The following MAP7 variants were observed in gnomAD, a reference collection of about 807,000 sequenced individuals.
MAP7 encodes the protein microtubule associated protein 7, also known as ensconsin.
MAP7 carries 52 observed loss-of-function variants against 94.8 expected under a neutral mutation model. The ratio of observed to expected loss-of-function variants is 0.55; its 90% CI spans 0.44 to 0.69. The LOEUF is 0.69. Ranked by LOEUF, MAP7 falls within the 30% of genes least tolerant of loss-of-function variation. MAP7 has a pLI of 0.00. For synonymous variants in MAP7, 350 were observed against 357.0 expected, an observed-to-expected ratio of 0.98 and a Z score of 0.22; for missense variants, 940 against 964.6, an observed-to-expected ratio of 0.97 and a Z score of 0.34.
At chr6:136,346,738 T>G (rs1056881089) in intron 16 of MAP7, among the ~76,000 whole-genome samples, 1 of 151,966 alleles carries the variant, frequency 6.6e-6, no homozygotes, top group African/African-American at 2.4e-5. Context: ...AGAGTACCAC[T>G]TATGAGGACC....
chr6:136,453,683 A>G (rs2128889019), intron 1 of MAP7, among the ~76,000 whole-genome samples: 1 of 152,346 alleles, frequency 6.6e-6, no homozygotes, highest in South Asian at 2.1e-4. Context: ...AGGATTCCCA[A>G]CAAATTTTGA....
At chr6:136,346,315 C>T (rs765259152) in intron 16 of MAP7, among the ~76,000 whole-genome samples, 46 of 152,240 alleles carry the variant, frequency 3.0e-4, no homozygotes, top group Middle Eastern at 3.4e-3. Flanking sequence ...GTAATCCTAG[C>T]GCTTTGGGAG....
intron 2 of MAP7, chr6:136,420,420 T>C: frequency 1.9e-6 from 1 of 515,818 alleles, no homozygotes; most frequent in South Asian, 2.5e-5. Flanking sequence ...GGTCCACTTC[T>C]GCCAACAAAT....
chr6:136,510,008 C>G (rs1285026857), intron 1 of MAP7, among the ~76,000 whole-genome samples: 1 of 152,144 alleles, frequency 6.6e-6, no homozygotes, highest in African/African-American at 2.4e-5. Context: ...TCGAGACCAG[C>G]CTGAGTAATA....
At chr6:136,435,017 G>T (rs1196064361) in intron 1 of MAP7, among the ~76,000 whole-genome samples, 1 of 152,170 alleles carries the variant, frequency 6.6e-6, no homozygotes, top group Non-Finnish European at 1.5e-5. Flanking sequence ...CTAAGCTATG[G>T]GCCCTTTGGG....
At chr6:136,506,462 G>A (rs866223225) in intron 1 of MAP7, among the ~76,000 whole-genome samples, 8 of 152,080 alleles carry the variant, frequency 5.3e-5, no homozygotes, top group African/African-American at 1.9e-4. Context: ...ACAATCCACA[G>A]TTTTAGATAA....
chr6:136,537,466 T>G (rs948092543), intron 1 of MAP7, among the ~76,000 whole-genome samples: 2 of 152,252 alleles, frequency 1.3e-5, no homozygotes, highest in Non-Finnish European at 2.9e-5. Context: ...TTTCTCTATC[T>G]GGGCCTTATA....
chr6:136,400,433 A>G (rs1057488614), intron 3 of MAP7, among the ~76,000 whole-genome samples: 4 of 151,422 alleles, frequency 2.6e-5, no homozygotes, highest in African/African-American at 9.7e-5. Context: ...AAAAAAAAAG[A>G]GTTGGGGGAA....
chr6:136,439,613 C>T (rs1797292263), intron 1 of MAP7, among the ~76,000 whole-genome samples: 1 of 152,164 alleles, frequency 6.6e-6, no homozygotes, highest in South Asian at 2.1e-4. Context: ...GCTCTACCAC[C>T]CTTCCCTCTT....
chr6:136,528,036 G>A (rs1828145747), intron 1 of MAP7, among the ~76,000 whole-genome samples: 1 of 152,320 alleles, frequency 6.6e-6, no homozygotes, highest in South Asian at 2.1e-4. Context: ...GCCTGAGAAA[G>A]CAAGTGAGTC....
intron 1 of MAP7, among the ~76,000 whole-genome samples, chr6:136,496,696 T>C: frequency 6.6e-6 from 1 of 150,394 alleles, no homozygotes. Flanking sequence ...TTCCAGCACT[T>C]TGGGAGGCTG....
chr6:136,482,885 A>G (rs1243992770), intron 1 of MAP7, among the ~76,000 whole-genome samples: 1 of 151,842 alleles, frequency 6.6e-6, no homozygotes, highest in Non-Finnish European at 1.5e-5. Context: ...TTGGTCAACT[A>G]AAAAAAATAT....
chr6:136,394,931 C>CACATATATATATATATAT (rs1554243129), intron 3 of MAP7, among the ~76,000 whole-genome samples: 3 of 27,494 alleles, frequency 1.1e-4, no homozygotes, highest in Admixed American at 4.6e-4. Flanking sequence ...AATATTCCAT[C>CACATATATATATATATAT]ATATATATAT....
At chr6:136,505,615 C>T (rs1031577695) in intron 1 of MAP7, among the ~76,000 whole-genome samples, 1 of 151,610 alleles carries the variant, frequency 6.6e-6, no homozygotes, top group Non-Finnish European at 1.5e-5. Context: ...AGGGACACAT[C>T]GAAAGGAACA....
chr6:136,476,768 TAC>T (rs1811060406), intron 1 of MAP7, among the ~76,000 whole-genome samples: 1 of 151,882 alleles, frequency 6.6e-6, no homozygotes, highest in Admixed American at 6.6e-5. Context: ...TGTGTATGTA[TAC>T]ATGTGTGTGT....
chr6:136,421,719 GGTT>G lies in MAP7; in HGVS notation c.145_147del (p.Asn49del), dbSNP rs759888154. The G allele has an allele frequency of 3.1e-6, 5 of 1,613,760 alleles. No homozygotes were observed. In the South Asian group the frequency reaches 4.4e-5, roughly 14 times the overall value. On this transcript the variant is annotated inframe_deletion, in exon 2 of 18. Transcript: ENST00000354570. ...ATCATACCTGGTTTATTTCCTGAGT[GGTT>G]GTTATTTTGTCCTGAAATTGCAGAG...
rs1554242697 is a variant in MAP7 at position 136,393,978 on chromosome 6, A to AATTTTTTTTTTTTTTTTTTTTTT, written c.245-4462_245-4461insAAAAAAAAAAAAAAAAAAAAAAT. Among the ~76,000 whole-genome samples the AATTTTTTTTTTTTTTTTTTTTTT allele has an allele frequency of 3.6e-4, 13 of 36,204 alleles. 5 individuals carry two copies. The highest frequency in any genetic ancestry group is 3.0e-4 in the African/African-American group (4 of 13,474). The allele number at this position is 36,204 out of a possible 152,430, so 23.8% of individuals were successfully genotyped here. ...GTTCTGATATCTCTGCAGCAAAGGT[A>AATTTTTTTTTTTTTTTTTTTTTT]TTTTTTTTTTTTTTTTTTTTTTTGA... is the stretch of plus-strand genomic sequence containing the variant. On this transcript the variant is annotated intron_variant, in intron 3 of 17. Transcript: ENST00000354570.
chr6:136,351,033 T>G (rs146141276), intron 16 of MAP7, among the ~76,000 whole-genome samples: 1 of 151,750 alleles, frequency 6.6e-6, no homozygotes, highest in Admixed American at 6.6e-5. Flanking sequence ...GAAATGCAAG[T>G]CATAAAAATA....
At chr6:136,395,989 C>A (rs1016307759) in intron 3 of MAP7, among the ~76,000 whole-genome samples, 1 of 152,062 alleles carries the variant, frequency 6.6e-6, no homozygotes, top group Non-Finnish European at 1.5e-5. Context: ...ATTTTGAAGT[C>A]AGGTCGTACG....
Sources: allele counts gnomAD v4.1 joint callset (sites outside exome capture counted in the v4.1 genomes callset), GRCh38; gene constraint gnomAD v4.1.1; transcripts MANE v1.5; gene names NCBI Gene and HGNC (gene_info 2026-07-23, HGNC 2026-07-21).